Variants in PARD3 observed in about 807,000 individuals in gnomAD.
The protein encoded by PARD3 is partitioning defective 3 homolog.
In PARD3, 75 loss-of-function variants were observed where a neutral mutation model predicts 155.4. That is an observed-to-expected ratio of 0.48 (90% CI 0.40 to 0.58). The LOEUF is 0.58. Among genes scored for constraint, PARD3 ranks in the 20% least tolerant of loss-of-function variants. The pLI, the probability that PARD3 is intolerant of heterozygous loss-of-function variation, is 0.00. For synonymous variants in PARD3, 576 were observed against 610.5 expected (o/e 0.94, Z 0.83); for missense variants, 1,642 against 1,721.7 (o/e 0.95, Z 0.82).
intron 3 of PARD3, among the ~76,000 whole-genome samples, chr10:34,470,799 T>C (rs1174830033): frequency 6.6e-6 from 1 of 152,166 alleles, no homozygotes; most frequent in African/African-American, 2.4e-5. Flanking sequence ...TCATATCTAC[T>C]GTAATAAAAA....
At chr10:34,338,221 G>T (rs1332787914) in intron 16 of PARD3, among the ~76,000 whole-genome samples, 2 of 152,206 alleles carry the variant, frequency 1.3e-5, no homozygotes, top group African/African-American at 4.8e-5. Flanking sequence ...GCTCAAGCGG[G>T]CATGATAAGG....
intron 2 of PARD3, among the ~76,000 whole-genome samples, chr10:34,689,613 TG>T (rs1238779433): frequency 6.6e-6 from 1 of 152,238 alleles, no homozygotes; most frequent in Admixed American, 6.5e-5. Context: ...CACCTATTAA[TG>T]TTTAAAATAT....
intron 4 of PARD3, among the ~76,000 whole-genome samples, chr10:34,457,251 G>T (rs1472058968): frequency 1.3e-5 from 2 of 152,134 alleles, no homozygotes; most frequent in East Asian, 3.8e-4. Flanking sequence ...AAACTAAAAC[G>T]GGCGCGGATT....
chr10:34,313,399 T>C (rs1053683463), intron 20 of PARD3, among the ~76,000 whole-genome samples: 1 of 152,168 alleles, frequency 6.6e-6, no homozygotes, highest in African/African-American at 2.4e-5. Context: ...CAGGAAAAAC[T>C]TTGCATTTGT....
chr10:34,696,490 C>T (rs940940489), intron 1 of PARD3, 71 bp from the exon 2 acceptor site: 62 of 933,634 alleles, frequency 6.6e-5, no homozygotes, highest in African/African-American at 1.3e-4. Flanking sequence ...CATTTTAAAC[C>T]GTGATAACTT....
At chr10:34,450,710 T>C (rs1456206056) in intron 4 of PARD3, among the ~76,000 whole-genome samples, 1 of 151,886 alleles carries the variant, frequency 6.6e-6, no homozygotes, top group African/African-American at 2.4e-5. Flanking sequence ...ACACTACACT[T>C]TGCACTCCTA....
rs1843666640 is a variant in PARD3, at chr10:34,399,425, T to C, written c.807-12A>G. 1.3e-6 allele frequency: 2 copies of C among 1,570,236 alleles called. No homozygotes were observed. Among genetic ancestry groups the C allele is most frequent in the African/African-American group, 2.7e-5 (2 of 74,030 alleles). On this transcript the variant is annotated splice_polypyrimidine_tract_variant and intron_variant, in intron 6 of 24. Coordinates refer to ENST00000374788, the MANE Select transcript of PARD3 (RefSeq NM_001184785.2). ...GCTTTACCATATCACTGTGAGACAA[T>C]GATGAATGAGGGAGCATGAACGTGT...
chr10:34,119,761 C>T (rs1438812425), intron 23 of PARD3, 21 bp from the exon 24 acceptor site: 5 of 1,605,220 alleles, frequency 3.1e-6, no homozygotes, highest in Non-Finnish European at 4.3e-6. Context: ...AAAATACAAG[C>T]ACATCGTTAA....
chr10:34,126,028 C>T (rs941403423), intron 23 of PARD3, among the ~76,000 whole-genome samples: 2 of 152,194 alleles, frequency 1.3e-5, no homozygotes, highest in African/African-American at 4.8e-5. Context: ...GATAATAACC[C>T]TAACCTCACC....
chr10:34,428,409 G>A (rs187107020), intron 5 of PARD3, among the ~76,000 whole-genome samples: 96 of 152,256 alleles, frequency 6.3e-4, no homozygotes, highest in Middle Eastern at 3.4e-3. Flanking sequence ...CCAGCTAGTT[G>A]GGAGGCTGAG....
At chr10:34,192,267 G>A (rs1465865391) in intron 22 of PARD3, among the ~76,000 whole-genome samples, 2 of 151,912 alleles carry the variant, frequency 1.3e-5, no homozygotes, top group Admixed American at 1.3e-4. Flanking sequence ...GTTTGTTTTT[G>A]TTTTGTTTTG....
chr10:34,392,531 G>T (rs1285572748), intron 7 of PARD3, among the ~76,000 whole-genome samples: 1 of 152,136 alleles, frequency 6.6e-6, no homozygotes, highest in Non-Finnish European at 1.5e-5. Flanking sequence ...CACACCCAGA[G>T]TCCCTTCATT....
At chr10:34,807,798 C>T (rs945323355) in intron 1 of PARD3, among the ~76,000 whole-genome samples, 2 of 151,874 alleles carry the variant, frequency 1.3e-5, no homozygotes, top group African/African-American at 2.4e-5. Context: ...TATTTAAAGT[C>T]ACTTGGATGT....
intron 16 of PARD3, among the ~76,000 whole-genome samples, chr10:34,341,183 G>GA (rs58274978): frequency 2.0e-3 from 233 of 117,304 alleles, no homozygotes; most frequent in African/African-American, 5.8e-3. Flanking sequence ...ATAGCACTCT[G>GA]AAAAAAAAAA....
chr10:34,461,928 A>G (rs1474949528), intron 4 of PARD3, among the ~76,000 whole-genome samples: 2 of 152,204 alleles, frequency 1.3e-5, no homozygotes, highest in Non-Finnish European at 2.9e-5. Flanking sequence ...TTTGAACACA[A>G]AATATTTAAA....
At chr10:34,732,465 G>A (rs1050482707) in intron 1 of PARD3, among the ~76,000 whole-genome samples, 1 of 152,180 alleles carries the variant, frequency 6.6e-6, no homozygotes, top group African/African-American at 2.4e-5. Flanking sequence ...AGGCCAAGGT[G>A]GGAGGACAGC....
At chr10:34,345,252 A>G in intron 15 of PARD3, 6 of 985,346 alleles carry the variant, frequency 6.1e-6, no homozygotes, top group Non-Finnish European at 7.2e-6. Flanking sequence ...TCAACTCTAA[A>G]GGCTCTTCCT....
At chr10:34,610,482 G>A (rs1302385986) in intron 2 of PARD3, among the ~76,000 whole-genome samples, 2 of 152,162 alleles carry the variant, frequency 1.3e-5, no homozygotes, top group East Asian at 3.9e-4. Flanking sequence ...GAGCAGTTAG[G>A]AAGATGACCC....
chr10:34,629,076 T>C (rs1047341473), intron 2 of PARD3, among the ~76,000 whole-genome samples: 9 of 152,236 alleles, frequency 5.9e-5, no homozygotes, highest in Admixed American at 3.3e-4. Context: ...CCATCTAATA[T>C]TGCAGAGTTA....
Sources: allele counts gnomAD v4.1 joint callset (sites outside exome capture counted in the v4.1 genomes callset), GRCh38; gene constraint gnomAD v4.1.1; transcripts MANE v1.5; gene names NCBI Gene and HGNC (gene_info 2026-07-23, HGNC 2026-07-21).